Variants in NME7 observed in about 807,000 individuals in gnomAD.
NME7 encodes the protein nucleoside diphosphate kinase 7.
In NME7, 41 loss-of-function variants were observed where a neutral mutation model predicts 49.1. That is an observed-to-expected ratio of 0.83 (90% confidence interval 0.65 to 1.08). The LOEUF is 1.08. Ranked by LOEUF, NME7 falls within the 50% of genes least tolerant of loss-of-function variation. The pLI is 0.00. For synonymous variants in NME7, 139 were observed against 150.6 expected (o/e 0.92, Z 0.56); for missense variants, 423 against 463.4 (o/e 0.91, Z 0.80).
At chr1:169,269,373 A>G (rs1649416333) in intron 7 of NME7, among the ~76,000 whole-genome samples, 1 of 134,014 alleles carries the variant, frequency 7.5e-6, no homozygotes, top group African/African-American at 2.5e-5. Flanking sequence ...AAACTCCAAA[A>G]TGGTGACATT....
chr1:169,299,639 T>C (rs1650862444), intron 5 of NME7, among the ~76,000 whole-genome samples: 1 of 152,110 alleles, frequency 6.6e-6, no homozygotes, highest in Non-Finnish European at 1.5e-5. Flanking sequence ...CACTAACTTA[T>C]GACTATTTTT....
intron 11 of NME7, among the ~76,000 whole-genome samples, chr1:169,160,032 C>G (rs1448701223): frequency 6.6e-6 from 1 of 152,172 alleles, no homozygotes. Context: ...CCACTCCACA[C>G]TGGCTACCTC....
At chr1:169,237,510 T>G in intron 8 of NME7, 113 bp downstream of exon 8, 1 of 715,654 alleles carries the variant, frequency 1.4e-6, no homozygotes, top group South Asian at 2.2e-5. Flanking sequence ...TAAGTATGTC[T>G]TTTATTTTTA....
intron 10 of NME7, among the ~76,000 whole-genome samples, chr1:169,191,604 T>C (rs545956874): frequency 1.3e-5 from 2 of 152,288 alleles, no homozygotes; most frequent in African/African-American, 4.8e-5. Flanking sequence ...AAGACAGAAG[T>C]AGAAGTTATT....
At chr1:169,193,835 G>C (rs1461162223) in intron 10 of NME7, among the ~76,000 whole-genome samples, 1 of 151,894 alleles carries the variant, frequency 6.6e-6, no homozygotes, top group Non-Finnish European at 1.5e-5. Context: ...AATAAAAAGA[G>C]AGTGGAAAGA....
At chr1:169,144,844 T>C (rs2101814329) in intron 11 of NME7, among the ~76,000 whole-genome samples, 1 of 152,306 alleles carries the variant, frequency 6.6e-6, no homozygotes, top group Admixed American at 6.5e-5. Flanking sequence ...AAGTTATTTT[T>C]ACCCCAGTAA....
At chr1:169,154,057 C>T (rs1337515802) in intron 11 of NME7, among the ~76,000 whole-genome samples, 4 of 151,768 alleles carry the variant, frequency 2.6e-5, no homozygotes, top group Admixed American at 6.6e-5. Flanking sequence ...CTCTGTCATC[C>T]AGCTGGAGTA....
At chr1:169,231,308 C>A (rs1486200879) in intron 9 of NME7, among the ~76,000 whole-genome samples, 1 of 152,034 alleles carries the variant, frequency 6.6e-6, no homozygotes, top group African/African-American at 2.4e-5. Context: ...TGATGGGCAG[C>A]ACAGGTCTAT....
intron 11 of NME7, among the ~76,000 whole-genome samples, chr1:169,141,178 C>G (rs544169373): frequency 6.6e-6 from 1 of 152,224 alleles, no homozygotes; most frequent in South Asian, 2.1e-4. Flanking sequence ...GATAGTTAGT[C>G]AAAGTAGGTG....
intron 7 of NME7, among the ~76,000 whole-genome samples, chr1:169,262,602 A>G (rs72700039): frequency 0.012 from 1,543 of 133,068 alleles, 386 homozygotes; most frequent in Non-Finnish European, 0.02. Flanking sequence ...AGGGGAACAC[A>G]GAGAACAAAG....
intron 11 of NME7, among the ~76,000 whole-genome samples, chr1:169,158,577 T>A (rs553751306): frequency 5.9e-5 from 9 of 152,052 alleles, no homozygotes; most frequent in Non-Finnish European, 1.2e-4. Flanking sequence ...TTAACCAGAA[T>A]CTTCTATAAT....
intron 10 of NME7, among the ~76,000 whole-genome samples, chr1:169,182,147 G>C (rs1279940254): frequency 1.4e-5 from 2 of 146,706 alleles, no homozygotes; most frequent in Non-Finnish European, 3.0e-5. Context: ...TCGGACTACA[G>C]GTGCATGCCA....
At chr1:169,182,485 G>A (rs142714018) in intron 10 of NME7, among the ~76,000 whole-genome samples, 1 of 152,088 alleles carries the variant, frequency 6.6e-6, no homozygotes, top group East Asian at 1.9e-4. Flanking sequence ...TCCCTTTTGG[G>A]CCCCCCATCT....
chr1:169,349,387 A>G (rs1329673112), intron 1 of NME7, among the ~76,000 whole-genome samples: 2 of 152,176 alleles, frequency 1.3e-5, no homozygotes, highest in East Asian at 3.8e-4. Context: ...TCAGCCCCAA[A>G]TAAGTTTAAA....
chr1:169,245,893 G>T (rs1648294412), intron 7 of NME7, among the ~76,000 whole-genome samples: 1 of 152,018 alleles, frequency 6.6e-6, no homozygotes, highest in Non-Finnish European at 1.5e-5. Context: ...ATAACCTTAG[G>T]CATAAAAACC....
chr1:169,297,500 T>C (rs1650757514), intron 6 of NME7, among the ~76,000 whole-genome samples: 1 of 152,170 alleles, frequency 6.6e-6, no homozygotes, highest in Non-Finnish European at 1.5e-5. Context: ...CTGTCCTCTT[T>C]GCTGTTAGTT....
intron 7 of NME7, among the ~76,000 whole-genome samples, chr1:169,246,227 G>A (rs1648306760): frequency 6.6e-6 from 1 of 152,064 alleles, no homozygotes; most frequent in Non-Finnish European, 1.5e-5. Flanking sequence ...GATCACTAGG[G>A]CTCAGGAGGC....
chr1:169,263,502 G>A (rs1462750954), intron 7 of NME7, among the ~76,000 whole-genome samples: 1 of 133,688 alleles, frequency 7.5e-6, no homozygotes, highest in African/African-American at 2.5e-5. Flanking sequence ...GTGGAGAAAA[G>A]AATCTCAGAG....
intron 11 of NME7, among the ~76,000 whole-genome samples, chr1:169,156,819 A>G (rs552574903): frequency 4.2e-4 from 64 of 152,340 alleles, no homozygotes; most frequent in South Asian, 1.9e-3. Context: ...ATCTGAGAAA[A>G]CAACCAATGC....
Sources: gnomAD v4.1 joint callset for allele counts (sites outside exome capture counted in the v4.1 genomes callset) on GRCh38, gnomAD v4.1.1 for gene constraint, MANE v1.5 for transcripts, NCBI Gene and HGNC (gene_info 2026-07-23, HGNC 2026-07-21) for gene names.